The following ITPR2 variants were observed in gnomAD, a reference collection of about 807,000 sequenced individuals.
ITPR2 encodes inositol 1,4,5-trisphosphate receptor type 2, also known as inositol 1,4,5-trisphosphate-gated calcium channel ITPR2.
A neutral mutation model predicts 317.1 loss-of-function variants in ITPR2; 207 were observed. The observed-to-expected ratio is 0.65, with a 90% CI of 0.58 to 0.73. ITPR2 has a LOEUF of 0.73. Ranked by LOEUF, ITPR2 falls within the 30% of genes least tolerant of loss-of-function variation. ITPR2 has a pLI of 0.00. For missense variants in ITPR2, 2,613 were observed against 3,284.0 expected (o/e 0.80, Z 4.99); for synonymous variants, 1,156 against 1,149.1 (o/e 1.01, Z -0.12).
chr12:26,548,291 A>T (rs1215164655), intron 37 of ITPR2, among the ~76,000 whole-genome samples: 1 of 152,202 alleles, frequency 6.6e-6, no homozygotes, highest in Non-Finnish European at 1.5e-5. Flanking sequence ...GGGCAGGAAA[A>T]GCCTGAGGTA....
At chr12:26,562,032 A>G in intron 34 of ITPR2, 80 bp from the exon 35 acceptor site, 1 of 963,302 alleles carries the variant, frequency 1.0e-6, no homozygotes, top group Non-Finnish European at 1.4e-6. Flanking sequence ...TCTTATAAAC[A>G]TAAAAGAAAA....
Position 26,443,640 on chromosome 12 carries a change from T to C in ITPR2, c.6353A>G (p.His2118Arg), listed in dbSNP as rs1941540447. 6.2e-7 allele frequency: 1 copy of C among 1,612,628 alleles called. No homozygotes were observed. The highest frequency in any genetic ancestry group is 1.3e-5 in the African/African-American group (1 of 74,868). ...GAGCATCTGCTGCAACAGTTTATTG[T>C]GGCGGGCCAACTAGAGTAGGGAAAA... Reference protein sequence around the residue: ...IYILAHQLARHNKLLQQMLKP... With the variant: ...IYILAHQLARRNKLLQQMLKP... Residue 2118 changes from histidine (H) to arginine (R), a missense_variant, in exon 46 of 57, where the codon CAC (histidine) becomes CGC (arginine). Around this residue, in one of 9 missense-constraint regions of ITPR2, gnomAD observed 926 missense variants for 1,072.8 expected, o/e 0.86. Transcript: ENST00000381340.
At chr12:26,592,632 T>C (rs562354161) in intron 32 of ITPR2, among the ~76,000 whole-genome samples, 1 of 152,318 alleles carries the variant, frequency 6.6e-6, no homozygotes, top group African/African-American at 2.4e-5. Flanking sequence ...CTATGAACTG[T>C]ATATAAATTT....
chr12:26,389,184 CA>C (rs1231655013), intron 54 of ITPR2, among the ~76,000 whole-genome samples: 1 of 152,114 alleles, frequency 6.6e-6, no homozygotes, highest in Non-Finnish European at 1.5e-5. Context: ...GCAGCCAGAG[CA>C]ATCCTTTAAA....
At chr12:26,430,176 A>G (rs1322546211) in intron 48 of ITPR2, among the ~76,000 whole-genome samples, 2 of 152,230 alleles carry the variant, frequency 1.3e-5, no homozygotes, top group Non-Finnish European at 2.9e-5. Context: ...GCCAATGTTT[A>G]TAATTAACTT....
At chr12:26,605,168 A>G (rs867328021) in intron 26 of ITPR2, among the ~76,000 whole-genome samples, 41 of 150,514 alleles carry the variant, frequency 2.7e-4, no homozygotes, top group African/African-American at 8.7e-4. Flanking sequence ...TATACATGAA[A>G]GTAAAGCCAA....
At chr12:26,655,408 A>G (rs1202368489) in intron 20 of ITPR2, among the ~76,000 whole-genome samples, 1 of 152,096 alleles carries the variant, frequency 6.6e-6, no homozygotes, top group African/African-American at 2.4e-5. Context: ...AGGTCAGGAC[A>G]TCGAGACCAT....
At chr12:26,752,260 C>T (rs1475941671) in intron 2 of ITPR2, among the ~76,000 whole-genome samples, 1 of 152,150 alleles carries the variant, frequency 6.6e-6, no homozygotes, top group East Asian at 1.9e-4. Flanking sequence ...GCATTTAAAC[C>T]AGAGCAACTC....
intron 37 of ITPR2, among the ~76,000 whole-genome samples, chr12:26,522,565 T>C (rs1418894639): frequency 6.6e-6 from 1 of 152,198 alleles, no homozygotes; most frequent in Non-Finnish European, 1.5e-5. Flanking sequence ...AGCAGTTCAT[T>C]ATGCTTCTTG....
At chr12:26,342,303 C>T (rs1938142996) in intron 55 of ITPR2, among the ~76,000 whole-genome samples, 1 of 152,080 alleles carries the variant, frequency 6.6e-6, no homozygotes, top group Non-Finnish European at 1.5e-5. Flanking sequence ...GCACTTATTC[C>T]TTTCAACAAT....
chr12:26,378,516 T>C (rs988405347), intron 55 of ITPR2, among the ~76,000 whole-genome samples: 1 of 152,214 alleles, frequency 6.6e-6, no homozygotes, highest in African/African-American at 2.4e-5. Context: ...CTAAGTGCCA[T>C]GGACAGGTTT....
At chr12:26,600,481 C>T (rs12369905) in intron 28 of ITPR2, among the ~76,000 whole-genome samples, 41,140 of 151,732 alleles carry the variant, frequency 0.27, 6,201 homozygotes, top group Non-Finnish European at 0.35. Context: ...TCCTCCTTTC[C>T]TCTCTGTCCC....
At chr12:26,775,953 T>TACATAC (rs1555189738) in intron 2 of ITPR2, among the ~76,000 whole-genome samples, 1 of 147,594 alleles carries the variant, frequency 6.8e-6, no homozygotes, top group African/African-American at 2.5e-5. Flanking sequence ...TATATGTATA[T>TACATAC]GTATATCCTA....
chr12:26,572,196 G>A (rs1565612525), intron 34 of ITPR2, among the ~76,000 whole-genome samples: 1 of 152,152 alleles, frequency 6.6e-6, no homozygotes, highest in Admixed American at 6.5e-5. Flanking sequence ...TTTTGCACCT[G>A]AGTTGTAAAA....
chr12:26,655,670 G>C (rs758844188), intron 20 of ITPR2, 38 bp downstream of exon 20: 6 of 1,530,044 alleles, frequency 3.9e-6, no homozygotes, highest in Non-Finnish European at 5.4e-6. Context: ...AAACTACCCA[G>C]TTACCAAAAC....
chr12:26,822,735 T>C (rs936194774), intron 1 of ITPR2, among the ~76,000 whole-genome samples: 1 of 152,224 alleles, frequency 6.6e-6, no homozygotes, highest in Non-Finnish European at 1.5e-5. Context: ...GACTGGGCTT[T>C]ATAGTACTAG....
chr12:26,798,941 T>C (rs746973994), intron 1 of ITPR2, among the ~76,000 whole-genome samples: 12 of 152,260 alleles, frequency 7.9e-5, no homozygotes, highest in African/African-American at 1.7e-4. Context: ...AGGAGTTAAG[T>C]GCACCTTTGT....
At position 26,556,274 on chromosome 12, in the gene ITPR2, C is replaced by T. The variant is rs774224552; in HGVS notation, c.4923G>A (p.Glu1641=). Residue 1641 remains glutamate, a synonymous_variant, in exon 36 of 57, where the codon GAG becomes GAA. Coordinates refer to ENST00000381340, the MANE Select transcript of ITPR2 (RefSeq NM_002223.4). ...VLYSPELLFP[E]GSDARIRCGA... ...CACATCTTATTCTTGCATCGCTTCC[C>T]TCAGGGAACAGCAGTTCTGGACTGT... The T allele has an allele frequency of 3.1e-6, 5 of 1,613,986 alleles. No homozygotes were observed. In the Admixed American group the frequency reaches 8.3e-5, roughly 27 times the overall value.
intron 2 of ITPR2, among the ~76,000 whole-genome samples, chr12:26,773,362 A>G (rs1283897102): frequency 6.6e-6 from 1 of 152,226 alleles, no homozygotes; most frequent in Non-Finnish European, 1.5e-5. Context: ...CTAAGAATTT[A>G]GACACACAAC....
Sources: allele counts gnomAD v4.1 joint callset (sites outside exome capture counted in the v4.1 genomes callset), GRCh38; gene constraint gnomAD v4.1.1; regional missense constraint gnomAD v4.1.1; transcripts MANE v1.5; gene names NCBI Gene and HGNC (gene_info 2026-07-23, HGNC 2026-07-21).